C1orf167: variants seen among roughly 807,000 people sequenced by gnomAD.
C1orf167 encodes chromosome 1 open reading frame 167, also known as uncharacterized protein C1orf167.
A neutral mutation model predicts 176.5 loss-of-function variants in C1orf167; 153 were observed. The observed-to-expected ratio is 0.87, with a 90% CI of 0.76 to 0.99. The LOEUF is 0.99. Among genes scored for constraint, C1orf167 ranks in the 50% least tolerant of loss-of-function variants. The pLI is 0.00. For synonymous variants in C1orf167, 594 were observed against 752.7 expected, an observed-to-expected ratio of 0.79 and a Z score of 3.45; for missense variants, 1,490 against 1,817.7, an observed-to-expected ratio of 0.82 and a Z score of 3.28.
In C1orf167 at chr1:11,779,978, A is replaced by G. The variant is rs1643517030; in HGVS notation, c.2828A>G (p.Asp943Gly). The G allele has an allele frequency of 7.7e-7, 1 of 1,291,862 alleles. No individual in the cohort carries two copies. The highest frequency in any genetic ancestry group is 1.2e-5 in the South Asian group (1 of 80,324). The allele number at this position is 1,291,862 out of a possible 1,614,324, so 80.0% of individuals were successfully genotyped here. ...GAGCGGGGCTGGCGGCTGGCACGAGATGCCCTATGCCACTGGCACTCCTGT... is the reference window on the plus strand; with the variant it reads ...GAGCGGGGCTGGCGGCTGGCACGAGGTGCCCTATGCCACTGGCACTCCTGT... ...AQERGWRLAR[D>G]ALCHWHSCWQ... The change falls in exon 13 of 21, where the codon GAT becomes GGT. Residue 943 changes from aspartate to glycine, a missense_variant. Physicochemically the swap from Asp to Gly is moderately conservative, Grantham distance 94. Coordinates refer to ENST00000688073, the MANE Select transcript of C1orf167 (RefSeq NM_001010881.2).
intron 8 of C1orf167, among the ~76,000 whole-genome samples, chr1:11,772,660 A>G (rs1488753955): frequency 2.0e-5 from 3 of 152,090 alleles, no homozygotes; most frequent in African/African-American, 7.2e-5. Context: ...GCATGCCTAG[A>G]ACATGCTAGC....
rs1356892931 is a variant in C1orf167, at chr1:11,784,473, C to G, written c.3305C>G (p.Ala1102Gly). Reference protein sequence around the residue: ...PGMHHEAQQQAGESAGAQAAQ... With the variant: ...PGMHHEAQQQGGESAGAQAAQ... ...ATGCACCATGAGGCCCAGCAGCAGGCAGGAGAGAGCGCTGGGGCCCAGGCA... is the reference window on the plus strand; with the variant it reads ...ATGCACCATGAGGCCCAGCAGCAGGGAGGAGAGAGCGCTGGGGCCCAGGCA... Residue 1102 changes from alanine to glycine, a missense_variant, in exon 15 of 21, where the codon GCA becomes GGA. Coordinates refer to ENST00000688073, the MANE Select transcript of C1orf167 (RefSeq NM_001010881.2). The G allele has an allele frequency of 7.7e-7, 1 of 1,303,368 alleles. No individual in the cohort carries two copies. The highest frequency in any genetic ancestry group is 1.0e-6 in the Non-Finnish European group (1 of 988,910). 80.7% of individuals were successfully genotyped at this position (1,303,368 alleles called of 1,614,324 possible).
rs780856228 is a variant in C1orf167 at position 11,784,584 on chromosome 1, C to T, written c.3416C>T (p.Pro1139Leu). The T allele has an allele frequency of 5.4e-5, 68 of 1,253,112 alleles. No homozygotes were observed. The highest frequency in any genetic ancestry group is 1.1e-4 in the East Asian group (2 of 17,446). The allele number at this position is 1,253,112 out of a possible 1,614,324, so 77.6% of individuals were successfully genotyped here. The change falls in exon 15 of 21, where the codon CCG (proline) becomes CTG (leucine). Residue 1139 changes from proline to leucine, a missense_variant. Transcript: ENST00000688073. Reference sequence around the variant, plus strand: ...AGCCGAGCCCATGCTTCCTGGAAGCCGCGAGCCTGGTGAGTGCTGTGGTCT... The same window carrying T: ...AGCCGAGCCCATGCTTCCTGGAAGCTGCGAGCCTGGTGAGTGCTGTGGTCT... Reference protein sequence around the residue: ...QVSRAHASWKPRAWVLEASVQ... With the variant: ...QVSRAHASWKLRAWVLEASVQ...
chr1:11,775,382 C>T (rs1278901182), intron 8 of C1orf167, 53 bp from the exon 9 acceptor site: 4 of 1,225,526 alleles, frequency 3.3e-6, no homozygotes, highest in Non-Finnish European at 4.3e-6. Context: ...CAGCTGGAGC[C>T]GCAGTCATCA....
intron 8 of C1orf167, among the ~76,000 whole-genome samples, chr1:11,773,319 C>T (rs2100308095): frequency 6.6e-6 from 1 of 152,316 alleles, no homozygotes; most frequent in South Asian, 2.1e-4. Flanking sequence ...AATACATCCC[C>T]CGCTCCAAAT....
Position 11,788,158 on chromosome 1 carries a change from C to T in C1orf167, c.3858C>T (p.Ser1286=), listed in dbSNP as rs1202436770. Residue 1286 remains serine (S), a synonymous_variant, in exon 19 of 21, where the codon TCC becomes TCT. Transcript: ENST00000688073. ...GGCCCTCTCTGGCCAGTGCTCGTTCCTGCAGGATCCTGGAAAAGCAGGCCC... is the reference window on the plus strand; with the variant it reads ...GGCCCTCTCTGGCCAGTGCTCGTTCTTGCAGGATCCTGGAAAAGCAGGCCC... ...KAHKRRLRAR[S]CRILEKQAQA... The T allele has an allele frequency of 1.6e-6, 2 of 1,288,844 alleles. No homozygotes were observed. Among genetic ancestry groups the T allele is most frequent in the African/African-American group, 1.5e-5 (1 of 65,608 alleles). The allele number at this position is 1,288,844 out of a possible 1,614,324, so 79.8% of individuals were successfully genotyped here. A position where few individuals can be genotyped will look rare whatever the true frequency, so the allele number is the denominator to read the frequency against.
At chr1:11,780,079 GC>G (rs1643524661) in intron 13 of C1orf167, 69 bp downstream of exon 13, 2 of 1,138,896 alleles carry the variant, frequency 1.8e-6, no homozygotes, top group Non-Finnish European at 2.3e-6. Flanking sequence ...GACCCAGACT[GC>G]AGCCCTGGCC....
Position 11,764,977 on chromosome 1 carries a change from C to T in C1orf167, c.70+507C>T, listed in dbSNP as rs1465641576. On this transcript the variant is annotated intron_variant, in intron 2 of 20. Transcript: ENST00000688073. ...GCTGCAGCAGGAGAATCACTTGTAC[C>T]CAGGAGGCGGAGGTTGTAGTGAGCC... 9.5e-5 allele frequency among the ~76,000 whole-genome samples: 13 copies of T among 137,290 alleles called. No individual in the cohort carries two copies. In the Admixed American group the frequency reaches 9.7e-4, roughly 10 times the overall value. 90.1% of individuals were successfully genotyped at this position (137,290 alleles called of 152,430 possible).
chr1:11,782,156 C>T lies in C1orf167; in HGVS notation c.2861-33C>T, dbSNP rs1033797602. The stretch of plus-strand genomic sequence containing the variant: ...CCATGGGGAGAGGCTGGGGTGAGCA[C>T]CCAGTGGCTCTTCAGCATCTCTCTG... On this transcript the variant is annotated intron_variant, in intron 13 of 20. Transcript: ENST00000688073. The T allele has an allele frequency of 7.2e-6, 9 of 1,244,170 alleles. No individual in the cohort carries two copies. In the Admixed American group the frequency reaches 1.7e-4, roughly 23 times the overall value. 77.1% of individuals were successfully genotyped at this position (1,244,170 alleles called of 1,614,324 possible).
In C1orf167 at chr1:11,782,092, C is replaced by T. The variant is rs1643627743; in HGVS notation, c.2861-97C>T. The T allele has an allele frequency of 2.7e-6, 3 of 1,115,692 alleles. No homozygotes were observed. In the South Asian group the frequency reaches 5.4e-5, roughly 20 times the overall value. The allele number at this position is 1,115,692 out of a possible 1,614,324, so 69.1% of individuals were successfully genotyped here. On this transcript the variant is annotated intron_variant, in intron 13 of 20. Transcript: ENST00000688073. ...GACAGTCAGGGTGGCCTCCTCTGTT[C>T]CCACCTGGTAGGGGGCGAAGGGCTG...
In C1orf167 at chr1:11,766,189, C is replaced by T; in HGVS notation, c.403C>T (p.Leu135Phe). The T allele has an allele frequency of 7.8e-7, 1 of 1,289,790 alleles. No homozygotes were observed. 79.9% of individuals were successfully genotyped at this position (1,289,790 alleles called of 1,614,324 possible). Residue 135 changes from leucine to phenylalanine, a missense_variant, in exon 3 of 21, where the codon CTC becomes TTC. Coordinates refer to ENST00000688073, the MANE Select transcript of C1orf167 (RefSeq NM_001010881.2). This position sits in a 1 kb window ranked among gnomAD's most constrained non-coding sequence, Gnocchi z 4.5. ...CATCAACGAGACCAGCAGCCCCCAC[C>T]TCTGCCCAGAGCCTGGGGGAAGCTC... The part of the protein sequence containing the change: ...LSINETSSPH[L>F]CPEPGGSSGP...
At chr1:11,769,660 A>T (rs912968187) in intron 6 of C1orf167, among the ~76,000 whole-genome samples, 2 of 142,436 alleles carry the variant, frequency 1.4e-5, no homozygotes, top group African/African-American at 2.5e-5. Flanking sequence ...ACCATCCAAT[A>T]TGATGTTTAG....
At position 11,767,236 on chromosome 1, in the gene C1orf167, A is replaced by T. The variant is rs1642845513; in HGVS notation, c.1315A>T (p.Ile439Phe). 6 of 1,289,684 alleles carry T rather than the reference A, an allele frequency of 4.7e-6. No individual in the cohort carries two copies. Among genetic ancestry groups the T allele is most frequent in the Non-Finnish European group, 6.1e-6 (6 of 988,874 alleles). 79.9% of individuals were successfully genotyped at this position (1,289,684 alleles called of 1,614,324 possible). ...GCTTTCCCAGAACAAGGCACAAAAC[A>T]TCACAGCCCCAGAGTCTGAGGCAAT... ...SSASKNKAQN[I>F]TAPESEAICW... The change falls in exon 4 of 21, where the codon ATC becomes TTC. Residue 439 changes from isoleucine (I) to phenylalanine (F), a missense_variant. By Grantham distance (21) the Ile-to-Phe change is conservative. Transcript: ENST00000688073.
At chr1:11,775,996 G>A (rs766425409) in intron 9 of C1orf167, among the ~76,000 whole-genome samples, 1 of 152,152 alleles carries the variant, frequency 6.6e-6, no homozygotes, top group Non-Finnish European at 1.5e-5. Flanking sequence ...AGTGGCTCAC[G>A]CCTGTAATCC....
chr1:11,763,217 A>T (rs541991313), intron 1 of C1orf167, among the ~76,000 whole-genome samples: 2 of 152,226 alleles, frequency 1.3e-5, no homozygotes, highest in African/African-American at 4.8e-5. Context: ...AGGCGGGCCA[A>T]TCACCTGAGG....
At chr1:11,773,927 A>G (rs1643196601) in intron 8 of C1orf167, among the ~76,000 whole-genome samples, 1 of 151,834 alleles carries the variant, frequency 6.6e-6, no homozygotes, top group East Asian at 1.9e-4. Context: ...AAATAGAGAC[A>G]GGGTCTTACT....
chr1:11,764,161 A>T (rs1642672496), intron 1 of C1orf167, among the ~76,000 whole-genome samples, 170 bp from the exon 2 acceptor site: 1 of 152,112 alleles, frequency 6.6e-6, no homozygotes, highest in Admixed American at 6.5e-5. Context: ...AAGGGGGGTG[A>T]TAAGTAGGGC....
At chr1:11,775,739 A>G in intron 9 of C1orf167, 129 bp downstream of exon 9, 1 of 1,140,250 alleles carries the variant, frequency 8.8e-7, no homozygotes, top group Non-Finnish European at 1.1e-6. Context: ...GGCAGCCTGT[A>G]GGCCTGGGAG....
chr1:11,770,866 G>A (rs59911871), intron 6 of C1orf167, among the ~76,000 whole-genome samples: 22,491 of 147,834 alleles, frequency 0.15, 2,175 homozygotes, highest in Middle Eastern at 0.25. Flanking sequence ...GTACAGTAGT[G>A]TGATCTCTGC....
Sources: gnomAD v4.1 joint callset for allele counts (sites outside exome capture counted in the v4.1 genomes callset) on GRCh38, gnomAD v4.1.1 for gene constraint, Gnocchi (gnomAD v3.1) non-coding constraint, MANE v1.5 for transcripts, NCBI Gene and HGNC (gene_info 2026-07-23, HGNC 2026-07-21) for gene names.